Variants in RSRC1 observed in about 807,000 individuals in gnomAD.
RSRC1 encodes the protein arginine and serine rich coiled-coil 1.
Under a neutral mutation model 49.1 loss-of-function variants are expected in RSRC1, and 39 were observed. The ratio of observed to expected loss-of-function variants is 0.79; its 90% CI spans 0.61 to 1.04. The LOEUF (loss-of-function observed/expected upper bound fraction) is 1.04. Ranked by LOEUF, RSRC1 falls within the 50% of genes least tolerant of loss-of-function variation. RSRC1 has a pLI of 0.00. For missense variants in RSRC1, 388 were observed against 402.4 expected (o/e 0.96, Z 0.31); for synonymous variants, 143 against 130.8 (o/e 1.09, Z -0.63).
At position 158,320,982 on chromosome 3, in the gene RSRC1, A is replaced by G. The variant is rs754022070; in HGVS notation, c.531+22907A>G. On this transcript the variant is annotated intron_variant, in intron 5 of 9. Coordinates refer to ENST00000611884, the MANE Select transcript of RSRC1 (RefSeq NM_001271838.2). ...CTGGTTCTTAATTTTTTTGGGCCAC[A>G]CATACCTTTGAGAATCTGATAAAAA... Among the ~76,000 whole-genome samples, 34 of 152,286 alleles carry G rather than the reference A, an allele frequency of 2.2e-4. 1 individual carries two copies. The highest frequency in any genetic ancestry group is 6.8e-3 in the Middle Eastern group (2 of 294).
At chr3:158,150,379 C>T (rs1191024922) in intron 3 of RSRC1, among the ~76,000 whole-genome samples, 2 of 152,136 alleles carry the variant, frequency 1.3e-5, no homozygotes, top group Non-Finnish European at 2.9e-5. Flanking sequence ...TGGGGGAAAT[C>T]ACAAAGCTGA....
intron 6 of RSRC1, among the ~76,000 whole-genome samples, chr3:158,361,096 TG>T (rs1475007195): frequency 6.6e-6 from 1 of 152,070 alleles, no homozygotes; most frequent in Non-Finnish European, 1.5e-5. Context: ...AAGTGGCAGT[TG>T]GGGGTGCCTA....
chr3:158,366,293 G>C (rs1258923175), intron 6 of RSRC1, among the ~76,000 whole-genome samples: 3 of 152,174 alleles, frequency 2.0e-5, no homozygotes, highest in Non-Finnish European at 4.4e-5. Context: ...TTACGTTTAA[G>C]TCTTTAATCC....
At chr3:158,367,390 T>A (rs1399253460) in intron 6 of RSRC1, among the ~76,000 whole-genome samples, 1 of 152,238 alleles carries the variant, frequency 6.6e-6, no homozygotes, top group Non-Finnish European at 1.5e-5. Context: ...TCTATTCAAA[T>A]AATCATGTGG....
At chr3:158,388,360 T>G (rs1733074567) in intron 6 of RSRC1, among the ~76,000 whole-genome samples, 1 of 152,100 alleles carries the variant, frequency 6.6e-6, no homozygotes, top group African/African-American at 2.4e-5. Context: ...TTATGTTGTG[T>G]GTACTGTAAC....
chr3:158,441,511 C>T (rs1366092787), intron 6 of RSRC1, among the ~76,000 whole-genome samples: 2 of 151,810 alleles, frequency 1.3e-5, no homozygotes, highest in Non-Finnish European at 2.9e-5. Flanking sequence ...CCCATAATAA[C>T]ATGATTAAGA....
At chr3:158,371,637 T>C (rs1378744353) in intron 6 of RSRC1, among the ~76,000 whole-genome samples, 13 of 151,922 alleles carry the variant, frequency 8.6e-5, no homozygotes, top group Non-Finnish European at 1.8e-4. Flanking sequence ...TTGTTTCTAA[T>C]TTGAGGCAAT....
chr3:158,436,336 T>C (rs1348681973), intron 6 of RSRC1, among the ~76,000 whole-genome samples: 1 of 151,994 alleles, frequency 6.6e-6, no homozygotes, highest in African/African-American at 2.4e-5. Context: ...TTGAATATTA[T>C]GAGTGTAGAT....
intron 4 of RSRC1, among the ~76,000 whole-genome samples, chr3:158,295,265 G>GA (rs34294776): frequency 0.48 from 72,253 of 151,732 alleles, 17,752 homozygotes; most frequent in East Asian, 0.64. Context: ...ATTTTAGGTA[G>GA]GGGTGAAAGT....
At chr3:158,414,725 GA>G (rs142355467) in intron 6 of RSRC1, among the ~76,000 whole-genome samples, 1 of 149,304 alleles carries the variant, frequency 6.7e-6, no homozygotes, top group South Asian at 2.1e-4. Flanking sequence ...CTGTTTCTTA[GA>G]AAAAAAAATA....
chr3:158,240,345 T>C (rs187663415), intron 4 of RSRC1, among the ~76,000 whole-genome samples: 1 of 152,254 alleles, frequency 6.6e-6, no homozygotes, highest in African/African-American at 2.4e-5. Context: ...TTTAGAAAAT[T>C]TACATATTTC....
chr3:158,173,608 T>C (rs1030395096), intron 3 of RSRC1, among the ~76,000 whole-genome samples: 2 of 151,958 alleles, frequency 1.3e-5, no homozygotes, highest in African/African-American at 4.8e-5. Flanking sequence ...CTCTTAGCCA[T>C]CTACCCAAGA....
intron 2 of RSRC1, among the ~76,000 whole-genome samples, chr3:158,122,959 T>C (rs1715380187): frequency 6.6e-6 from 1 of 152,186 alleles, no homozygotes; most frequent in Non-Finnish European, 1.5e-5. Flanking sequence ...TGTGCCACAT[T>C]TTCTTAATCC....
chr3:158,241,293 C>CA (rs140303536), intron 4 of RSRC1, among the ~76,000 whole-genome samples: 32,646 of 149,874 alleles, frequency 0.22, 4,051 homozygotes, highest in Non-Finnish European at 0.29. Context: ...ACTAAAAATA[C>CA]AAAAAAAAAG....
intron 8 of RSRC1, 147 bp from the exon 9 acceptor site, chr3:158,543,188 A>G (rs921198057): frequency 1.0e-5 from 5 of 489,056 alleles, no homozygotes; most frequent in African/African-American, 1.0e-4. Flanking sequence ...TCTAAAACAA[A>G]CAAATACAAA....
chr3:158,335,368 G>C (rs139115680), intron 5 of RSRC1, among the ~76,000 whole-genome samples: 31 of 152,296 alleles, frequency 2.0e-4, no homozygotes, highest in African/African-American at 7.5e-4. Context: ...GCAGGGCCTA[G>C]TTGAGAAGTA....
chr3:158,174,851 T>C (rs1719107591), intron 3 of RSRC1, among the ~76,000 whole-genome samples: 1 of 152,108 alleles, frequency 6.6e-6, no homozygotes, highest in African/African-American at 2.4e-5. Flanking sequence ...CATTCATTTC[T>C]TTTGTGTATA....
At chr3:158,395,031 C>T (rs1733531651) in intron 6 of RSRC1, among the ~76,000 whole-genome samples, 1 of 151,904 alleles carries the variant, frequency 6.6e-6, no homozygotes, top group Non-Finnish European at 1.5e-5. Flanking sequence ...AAGCTGCACA[C>T]CTACAACCAC....
rs139690560 is a variant in RSRC1, at chr3:158,148,166, A to G, written c.320+24175A>G. The stretch of plus-strand genomic sequence containing the variant: ...GGAACTTTTTTAAAAAGAGTAAATG[A>G]TATGCTTCCTATGTATTTCCCTTTA... On this transcript the variant is annotated intron_variant, in intron 3 of 9. Transcript: ENST00000611884. Among the ~76,000 whole-genome samples, 33 of 152,200 alleles carry G rather than the reference A, an allele frequency of 2.2e-4. 1 individual carries two copies. The East Asian group carries it at 3.1e-3, about 14-fold the overall frequency.
Sources: gnomAD v4.1 joint callset for allele counts (sites outside exome capture counted in the v4.1 genomes callset) on GRCh38, gnomAD v4.1.1 for gene constraint, MANE v1.5 for transcripts, NCBI Gene and HGNC (gene_info 2026-07-23, HGNC 2026-07-21) for gene names.